NBEA: variants seen among roughly 807,000 people sequenced by gnomAD.
The protein encoded by NBEA is lysosomal-trafficking regulator 2.
In NBEA, 44 loss-of-function variants were observed where a neutral mutation model predicts 343.4. That is an observed-to-expected ratio of 0.13 (90% CI 0.10 to 0.16). NBEA has a LOEUF of 0.16. Among genes scored for constraint, NBEA ranks in the 10% least tolerant of loss-of-function variants. The probability of loss-of-function intolerance (pLI) is 1.00; values close to 1 mark genes in which losing one functional copy is unlikely to be tolerated. For synonymous variants in NBEA, 1,175 were observed against 1,238.7 expected, an observed-to-expected ratio of 0.95 and a Z score of 1.08; for missense variants, 2,555 against 3,631.3, an observed-to-expected ratio of 0.70 and a Z score of 7.62.
At chr13:35,408,361 C>T (rs1408726533) in intron 38 of NBEA, among the ~76,000 whole-genome samples, 4 of 152,132 alleles carry the variant, frequency 2.6e-5, no homozygotes, top group Non-Finnish European at 5.9e-5. Flanking sequence ...AAAATAAACT[C>T]AAGATGGATT....
rs1422375756 is a variant in NBEA, at chr13:35,030,389, CT to C, written c.295-10541del. 3.3e-5 allele frequency among the ~76,000 whole-genome samples: 5 copies of C among 151,122 alleles called. No individual in the cohort carries two copies. In the East Asian group the frequency reaches 9.7e-4, roughly 29 times the overall value. ...TTATAAATATCCCCTCTCTTTCTTT[CT>C]TTCTTAAATCTACACCTCTGACTTC... On this transcript the variant is annotated intron_variant, in intron 1 of 58. Coordinates refer to ENST00000379939, the MANE Select transcript of NBEA (RefSeq NM_001385012.1).
chr13:35,229,034 T>C (rs2074823292), intron 33 of NBEA, among the ~76,000 whole-genome samples: 1 of 152,126 alleles, frequency 6.6e-6, no homozygotes. Context: ...GTTTTTGTTT[T>C]TGTTTTCTGT....
chr13:35,415,059 T>C (rs978453568), intron 38 of NBEA, among the ~76,000 whole-genome samples: 37 of 152,284 alleles, frequency 2.4e-4, no homozygotes, highest in African/African-American at 8.2e-4. Flanking sequence ...TCATATCCTT[T>C]GCCCACTTTT....
At chr13:35,398,589 G>C (rs1256689985) in intron 38 of NBEA, among the ~76,000 whole-genome samples, 1 of 152,098 alleles carries the variant, frequency 6.6e-6, no homozygotes. Flanking sequence ...AAGCCCCTCG[G>C]TGACCAAGTG....
chr13:35,291,878 G>C (rs7336625), intron 35 of NBEA, among the ~76,000 whole-genome samples: 36,086 of 151,690 alleles, frequency 0.24, 4,482 homozygotes, highest in East Asian at 0.44. Context: ...TCTCTATGCA[G>C]TGCACTTTCT....
At chr13:35,429,496 G>T (rs2044944781) in intron 38 of NBEA, among the ~76,000 whole-genome samples, 1 of 152,038 alleles carries the variant, frequency 6.6e-6, no homozygotes, top group Admixed American at 6.6e-5. Context: ...GTCTATCTGG[G>T]CTGTTGGCCT....
intron 41 of NBEA, among the ~76,000 whole-genome samples, chr13:35,514,159 C>T (rs1199877115): frequency 1.3e-5 from 2 of 151,696 alleles, no homozygotes; most frequent in African/African-American, 4.8e-5. Context: ...AAAAGAAGCC[C>T]TTGAGGTGGA....
intron 36 of NBEA, among the ~76,000 whole-genome samples, chr13:35,319,414 A>G (rs2037979494): frequency 6.6e-6 from 1 of 152,124 alleles, no homozygotes; most frequent in African/African-American, 2.4e-5. Flanking sequence ...GTTTTAAGTG[A>G]GTTTCTTAAT....
At chr13:35,236,082 A>G (rs1451739851) in intron 34 of NBEA, among the ~76,000 whole-genome samples, 3 of 152,226 alleles carry the variant, frequency 2.0e-5, no homozygotes, top group African/African-American at 7.2e-5. Flanking sequence ...ACTTCTCTTT[A>G]TAAAATGATG....
chr13:35,119,095 T>A lies in NBEA; in HGVS notation c.2243+621T>A, dbSNP rs141379062. ...AATAGAGATGAAAGATGTTTTGGAA[T>A]AACAGGCCAAAGCCAAAAGAAACTG... is the stretch of plus-strand genomic sequence containing the variant. On this transcript the variant is annotated intron_variant, in intron 16 of 58. Transcript: ENST00000379939. 5.4e-3 allele frequency among the ~76,000 whole-genome samples: 827 copies of A among 152,294 alleles called. 5 individuals are homozygous for A. Among genetic ancestry groups the A allele is most frequent in the Non-Finnish European group, 0.01 (685 of 68,012 alleles).
intron 38 of NBEA, among the ~76,000 whole-genome samples, chr13:35,385,434 A>C (rs748551271): frequency 2.0e-5 from 3 of 152,158 alleles, no homozygotes; most frequent in Non-Finnish European, 2.9e-5. Context: ...GAATGGTGGC[A>C]CATGCCTGTA....
At chr13:35,568,917 G>T (rs2080263495) in intron 45 of NBEA, among the ~76,000 whole-genome samples, 1 of 152,168 alleles carries the variant, frequency 6.6e-6, no homozygotes, top group Non-Finnish European at 1.5e-5. Context: ...CCATTTACCA[G>T]CTGTGGAGCT....
At chr13:35,467,337 T>A (rs1483715422) in intron 40 of NBEA, among the ~76,000 whole-genome samples, 1 of 152,058 alleles carries the variant, frequency 6.6e-6, no homozygotes, top group African/African-American at 2.4e-5. Context: ...CTGGGCATGG[T>A]GGTATGCACC....
intron 36 of NBEA, among the ~76,000 whole-genome samples, chr13:35,332,085 G>A (rs150249483): frequency 6.6e-6 from 1 of 152,028 alleles, no homozygotes; most frequent in East Asian, 1.9e-4. Context: ...CCATTTAGCT[G>A]TATACTATTG....
At chr13:35,018,033 G>A in intron 1 of NBEA, among the ~76,000 whole-genome samples, 1 of 152,052 alleles carries the variant, frequency 6.6e-6, no homozygotes, top group Admixed American at 6.5e-5. Context: ...ATCATCTATT[G>A]ATTTGTTTTA....
chr13:35,251,382 C>G, intron 34 of NBEA: 1 of 1,043,816 alleles, frequency 9.6e-7, no homozygotes, highest in South Asian at 3.2e-5. Flanking sequence ...TGACTGTGTG[C>G]TGGTGTTCTG....
chr13:35,395,004 C>A (rs1297765704), intron 38 of NBEA, among the ~76,000 whole-genome samples: 3 of 151,988 alleles, frequency 2.0e-5, no homozygotes, highest in Non-Finnish European at 4.4e-5. Context: ...TCTTTTGTAA[C>A]CCATGTATTA....
At chr13:35,633,408 AT>A (rs2083555577) in intron 49 of NBEA, among the ~76,000 whole-genome samples, 2 of 149,694 alleles carry the variant, frequency 1.3e-5, no homozygotes, top group Non-Finnish European at 3.0e-5. Flanking sequence ...GGCCTAAATA[AT>A]TTTTTCAGCT....
chr13:35,059,792 G>C (rs1483936322), intron 8 of NBEA, among the ~76,000 whole-genome samples: 6 of 150,702 alleles, frequency 4.0e-5, no homozygotes, highest in Non-Finnish European at 7.4e-5. Context: ...AGGAAAGTTT[G>C]AATTTACCCA....
Sources: allele counts gnomAD v4.1 joint callset (sites outside exome capture counted in the v4.1 genomes callset), GRCh38; gene constraint gnomAD v4.1.1; transcripts MANE v1.5; gene names NCBI Gene and HGNC (gene_info 2026-07-23, HGNC 2026-07-21).